Variants in NELL2 observed in about 807,000 individuals in gnomAD.
NELL2 encodes the protein protein kinase C-binding protein NELL2.
In NELL2, 41 loss-of-function variants were observed where a neutral mutation model predicts 109.6. The ratio of observed to expected loss-of-function variants is 0.37; its 90% CI spans 0.29 to 0.49. The LOEUF is 0.49. Ranked by LOEUF, NELL2 falls within the 20% of genes least tolerant of loss-of-function variation. The pLI, the probability that NELL2 is intolerant of heterozygous loss-of-function variation, is 0.98. For missense variants in NELL2, 900 were observed against 1,008.3 expected (o/e 0.89, Z 1.45); for synonymous variants, 355 against 344.7 (o/e 1.03, Z -0.33).
chr12:44,640,963 A>T (rs1027420958), intron 13 of NELL2, among the ~76,000 whole-genome samples: 1 of 152,134 alleles, frequency 6.6e-6, no homozygotes, highest in African/African-American at 2.4e-5. Flanking sequence ...AGGGGAAAAA[A>T]CTGCTCCACA....
At chr12:44,648,104 A>C (rs773670711) in intron 13 of NELL2, among the ~76,000 whole-genome samples, 1 of 152,200 alleles carries the variant, frequency 6.6e-6, no homozygotes, top group Non-Finnish European at 1.5e-5. Flanking sequence ...AGAGGCAGGC[A>C]GAAACAGATG....
chr12:44,563,130 A>AGGGAG (rs1482195754), intron 15 of NELL2, among the ~76,000 whole-genome samples: 1 of 152,122 alleles, frequency 6.6e-6, no homozygotes, highest in Non-Finnish European at 1.5e-5. Flanking sequence ...ACATGGACAC[A>AGGGAG]GGGAGGGGAA....
At chr12:44,876,345 A>G, upstream of NELL2, 1 of 1,186,648 alleles carries the variant, frequency 8.4e-7, no homozygotes, top group Non-Finnish European at 1.0e-6. Context: ...GCGCGGAGAG[A>G]CTGCTCCTCC....
intron 13 of NELL2, among the ~76,000 whole-genome samples, chr12:44,641,948 C>T (rs1240813356): frequency 1.3e-5 from 2 of 152,056 alleles, no homozygotes; most frequent in African/African-American, 4.8e-5. Context: ...CCACCCACCT[C>T]GGCCTCCTAA....
chr12:44,766,919 T>G (rs1294507508), intron 9 of NELL2, among the ~76,000 whole-genome samples: 1 of 152,192 alleles, frequency 6.6e-6, no homozygotes, highest in Non-Finnish European at 1.5e-5. Context: ...TGAAAAATAA[T>G]AAAATCCACA....
intron 3 of NELL2, among the ~76,000 whole-genome samples, chr12:44,814,744 T>C (rs557211260): frequency 6.6e-6 from 1 of 152,326 alleles, no homozygotes; most frequent in East Asian, 1.9e-4. Context: ...CGAGATAGTA[T>C]GTCCCTAGGA....
At chr12:44,607,122 C>T in intron 15 of NELL2, 47 bp downstream of exon 15, 2 of 1,490,666 alleles carry the variant, frequency 1.3e-6, no homozygotes, top group Non-Finnish European at 9.3e-7. Flanking sequence ...TTACTTTATG[C>T]ATTGGCATAA....
At chr12:44,619,276 A>T (rs1945953239) in intron 13 of NELL2, among the ~76,000 whole-genome samples, 1 of 152,200 alleles carries the variant, frequency 6.6e-6, no homozygotes, top group Non-Finnish European at 1.5e-5. Flanking sequence ...GATGACTAAA[A>T]GAGAACAGTA....
At chr12:44,916,509 A>G (rs1945829899), upstream of NELL2, among the ~76,000 whole-genome samples, 1 of 152,218 alleles carries the variant, frequency 6.6e-6, no homozygotes, top group Non-Finnish European at 1.5e-5. Context: ...GGAAATTAAT[A>G]TTAAATAGGG....
rs1031987365 is a variant in NELL2, at chr12:44,876,247, C to T, written c.-378G>A. ...GAAGGGGGGCGGCCCCAAGAAAGCC[C>T]GGGCTGGGGCGGCCCCGCACCCCCC... On this transcript the variant is annotated 5_prime_UTR_variant, in exon 1 of 20. Coordinates refer to ENST00000429094, the MANE Select transcript of NELL2 (RefSeq NM_001145108.2). The T allele has an allele frequency of 4.3e-6, 5 of 1,159,766 alleles. No individual in the cohort carries two copies. In the Admixed American group the frequency reaches 1.7e-4, roughly 39 times the overall value. The allele number at this position is 1,159,766 out of a possible 1,614,324, so 71.8% of individuals were successfully genotyped here.
At chr12:44,646,900 C>T (rs1419900820) in intron 13 of NELL2, among the ~76,000 whole-genome samples, 1 of 152,190 alleles carries the variant, frequency 6.6e-6, no homozygotes, top group Non-Finnish European at 1.5e-5. Flanking sequence ...GCTACTTGAA[C>T]TTCTCTAGCT....
chr12:44,848,246 G>A (rs542999449), intron 2 of NELL2, among the ~76,000 whole-genome samples: 5 of 152,102 alleles, frequency 3.3e-5, no homozygotes, highest in Non-Finnish European at 7.4e-5. Flanking sequence ...GGACACTGGA[G>A]AAGTGGTGAA....
intron 15 of NELL2, among the ~76,000 whole-genome samples, chr12:44,549,667 A>G (rs747355303): frequency 1.3e-5 from 2 of 152,184 alleles, no homozygotes; most frequent in Non-Finnish European, 2.9e-5. Flanking sequence ...ACCATTTACA[A>G]TAGCATCAAA....
At chr12:44,688,188 C>T (rs1474379322) in intron 12 of NELL2, among the ~76,000 whole-genome samples, 1 of 152,140 alleles carries the variant, frequency 6.6e-6, no homozygotes, top group Non-Finnish European at 1.5e-5. Flanking sequence ...CAGAAAAGAA[C>T]TTGGCATAAA....
chr12:44,791,576 T>G (rs1239147073), intron 3 of NELL2, among the ~76,000 whole-genome samples: 1 of 151,718 alleles, frequency 6.6e-6, no homozygotes, highest in Non-Finnish European at 1.5e-5. Flanking sequence ...GTGGTTTAAT[T>G]TGGCATATAT....
chr12:44,686,770 G>C (rs770830701), intron 12 of NELL2, among the ~76,000 whole-genome samples: 9 of 152,316 alleles, frequency 5.9e-5, no homozygotes, highest in African/African-American at 1.9e-4. Flanking sequence ...CAGTCTGTCC[G>C]TTCTCAGATC....
At chr12:44,751,229 ATGT>A (rs1940636540) in intron 9 of NELL2, among the ~76,000 whole-genome samples, 1 of 152,138 alleles carries the variant, frequency 6.6e-6, no homozygotes, top group Non-Finnish European at 1.5e-5. Flanking sequence ...GAAATAATAA[ATGT>A]TGTTTTGGTT....
intron 17 of NELL2, chr12:44,522,984 A>G (rs909977376): frequency 4.4e-5 from 14 of 321,104 alleles, no homozygotes; most frequent in African/African-American, 3.0e-4. Context: ...CAAAAACATA[A>G]TGTTGAGAGA....
At chr12:44,645,970 C>A (rs1384144843) in intron 13 of NELL2, among the ~76,000 whole-genome samples, 2 of 152,054 alleles carry the variant, frequency 1.3e-5, no homozygotes, top group African/African-American at 4.8e-5. Context: ...AACTGTTTAG[C>A]AATCAATTCA....
Sources: gnomAD v4.1 joint callset for allele counts (sites outside exome capture counted in the v4.1 genomes callset) on GRCh38, gnomAD v4.1.1 for gene constraint, MANE v1.5 for transcripts, NCBI Gene and HGNC (gene_info 2026-07-23, HGNC 2026-07-21) for gene names.